The following DNAH8 variants were observed in gnomAD, a reference collection of about 807,000 sequenced individuals.
The protein encoded by DNAH8 is dynein axonemal heavy chain 8.
In DNAH8, 382 loss-of-function variants were observed where a neutral mutation model predicts 562.1. The observed-to-expected ratio is 0.68, with a 90% CI of 0.63 to 0.74. The LOEUF is 0.74. DNAH8 is among the 30% of genes least tolerant of loss of function. The pLI, the probability that DNAH8 is intolerant of heterozygous loss-of-function variation, is 0.00. For missense variants in DNAH8, 5,203 were observed against 5,620.4 expected, an observed-to-expected ratio of 0.93 and a Z score of 2.37; for synonymous variants, 1,881 against 1,919.4, an observed-to-expected ratio of 0.98 and a Z score of 0.52.
chr6:38,777,731 C>T (rs1481718836), intron 13 of DNAH8, among the ~76,000 whole-genome samples: 14 of 152,176 alleles, frequency 9.2e-5, no homozygotes, highest in Admixed American at 9.2e-4. Flanking sequence ...CACTCTGGGC[C>T]AATGGTGGGA....
intron 21 of DNAH8, 150 bp downstream of exon 21, chr6:38,791,824 T>A: frequency 1.3e-6 from 1 of 746,522 alleles, no homozygotes; most frequent in Non-Finnish European, 2.1e-6. Context: ...CCAAGGACTT[T>A]CATGCCTTCA....
chr6:39,009,710 G>A (rs1005129215), intron 89 of DNAH8, among the ~76,000 whole-genome samples: 2 of 152,178 alleles, frequency 1.3e-5, no homozygotes, highest in Non-Finnish European at 2.9e-5. Flanking sequence ...TCTGACTCTA[G>A]AACCTGCAGT....
chr6:38,890,628 C>G, intron 57 of DNAH8, 24 bp from the exon 58 acceptor site: 1 of 1,498,976 alleles, frequency 6.7e-7, no homozygotes, highest in Non-Finnish European at 9.3e-7. Context: ...TAAGCTTATA[C>G]CTTCAATCTT....
intron 73 of DNAH8, 129 bp downstream of exon 73, chr6:38,924,291 T>C: frequency 1.2e-6 from 1 of 831,296 alleles, no homozygotes; most frequent in East Asian, 2.7e-5. Context: ...GGAGGGCAGA[T>C]CATGAGGTCA....
intron 85 of DNAH8, 49 bp downstream of exon 85, chr6:38,974,578 C>G: frequency 6.6e-7 from 1 of 1,515,576 alleles, no homozygotes; most frequent in Non-Finnish European, 9.0e-7. Context: ...CAGTGGTGTG[C>G]TGAGGCCCCA....
chr6:39,012,382 C>T lies in DNAH8; in HGVS notation c.13524+15C>T, dbSNP rs763735683. The T allele has an allele frequency of 3.1e-6, 5 of 1,608,952 alleles. No individual in the cohort carries two copies. Among genetic ancestry groups the T allele is most frequent in the Non-Finnish European group, 4.3e-6 (5 of 1,176,238 alleles). The stretch of plus-strand genomic sequence containing the variant: ...TTATGAGTGAGGTGAGCTGTTATTA[C>T]ATCAGTAGGCATTTCCTTCTTTGTT... On this transcript the variant is annotated intron_variant, in intron 90 of 92. Coordinates refer to ENST00000327475, the MANE Select transcript of DNAH8 (RefSeq NM_001206927.2).
rs765017671 is a variant in DNAH8, at chr6:38,850,262, T to G, written c.5211T>G (p.Arg1737=). 9 of 1,612,820 alleles carry G rather than the reference T, an allele frequency of 5.6e-6. No individual in the cohort carries two copies. The East Asian group carries it at 1.3e-4, about 24-fold the overall frequency. Residue 1737 remains arginine (R), a synonymous_variant, in exon 38 of 93, where the codon CGT becomes CGG. Coordinates refer to ENST00000327475, the MANE Select transcript of DNAH8 (RefSeq NM_001206927.2). ...IAKQLPQEAK[R]FQNIDKSWIK... is the part of the protein sequence containing the mutation. ...GGATGCATTTTCAGGAAGCAAAACG[T>G]TTTCAGAATATTGACAAGTCTTGGA... is the stretch of plus-strand genomic sequence containing the variant.
At chr6:38,992,476 C>T (rs1279669350) in intron 88 of DNAH8, among the ~76,000 whole-genome samples, 2 of 152,144 alleles carry the variant, frequency 1.3e-5, no homozygotes, top group East Asian at 1.9e-4. Context: ...GAGGAGATTC[C>T]ATAGAAAGAT....
At position 38,725,304 on chromosome 6, in the gene DNAH8, T is replaced by TATAATAATAATAATGATA. The variant is rs1554193005; in HGVS notation, c.525+1847_525+1848insGATAATAATAATAATAAT. Among the ~76,000 whole-genome samples the TATAATAATAATAATGATA allele has an allele frequency of 7.4e-5, 10 of 135,384 alleles. No homozygotes were observed. In the South Asian group the frequency reaches 9.9e-4, roughly 13 times the overall value. 88.8% of individuals were successfully genotyped at this position (135,384 alleles called of 152,430 possible). On this transcript the variant is annotated intron_variant, in intron 3 of 92. Transcript: ENST00000327475. Reference sequence around the variant, plus strand: ...GGCGATAGAGTGAGACTCCAACTCATATAATAATAATAATAATAATAATAA... The same window carrying TATAATAATAATAATGATA: ...GGCGATAGAGTGAGACTCCAACTCATATAATAATAATAATGATAATAATAATAATAATAATAATAATAA...
chr6:39,003,489 A>AT (rs1254769605), intron 88 of DNAH8, among the ~76,000 whole-genome samples: 1 of 152,244 alleles, frequency 6.6e-6, no homozygotes, highest in Non-Finnish European at 1.5e-5. Flanking sequence ...ATAGAGAAAA[A>AT]TAAACAGCAA....
At chr6:38,835,490 G>A (rs1164523234) in intron 32 of DNAH8, among the ~76,000 whole-genome samples, 1 of 152,160 alleles carries the variant, frequency 6.6e-6, no homozygotes, top group Non-Finnish European at 1.5e-5. Flanking sequence ...ATTGTGTAAT[G>A]GAAACAGATG....
At chr6:38,851,816 T>G (rs771743258) in intron 39 of DNAH8, 142 bp downstream of exon 39, 2 of 664,100 alleles carry the variant, frequency 3.0e-6, no homozygotes, top group Non-Finnish European at 5.2e-6. Context: ...TCATATTTTC[T>G]GTGTATTTGG....
chr6:38,865,789 A>T (rs748186968), intron 45 of DNAH8, among the ~76,000 whole-genome samples: 5 of 152,196 alleles, frequency 3.3e-5, no homozygotes, highest in Admixed American at 6.5e-5. Flanking sequence ...CAGGAAGGTT[A>T]AGAGGAGTAT....
chr6:38,824,986 AT>A (rs1251747970), intron 28 of DNAH8, among the ~76,000 whole-genome samples: 3 of 152,142 alleles, frequency 2.0e-5, no homozygotes, highest in African/African-American at 7.2e-5. Flanking sequence ...AAAAGTTCAC[AT>A]TTGTCTCCTC....
Position 38,929,517 on chromosome 6 carries a change from T to A in DNAH8, c.11125T>A (p.Ser3709Thr), listed in dbSNP as rs758912484. 4 of 1,611,262 alleles carry A rather than the reference T, an allele frequency of 2.5e-6. No individual in the cohort carries two copies. Among genetic ancestry groups the A allele is most frequent in the South Asian group, 2.2e-5 (2 of 90,618 alleles). ...ATGAGTTCTTTCTGTTTAGGTGACA[T>A]CTCTGAACCATAAATATTTTCGCAC... The part of the protein sequence containing the change: ...KEKENDLQVT[S>T]LNHKYFRTHL... Residue 3709 changes from serine (S) to threonine (T), a missense_variant, in exon 75 of 93, where the codon TCT becomes ACT. By Grantham distance (58) the Ser-to-Thr change is moderately conservative. Transcript: ENST00000327475.
chr6:39,030,160 A>G lies in DNAH8; in HGVS notation c.13892A>G (p.Asn4631Ser). 6.2e-7 allele frequency: 1 copy of G among 1,614,084 alleles called. No homozygotes were observed. The highest frequency in any genetic ancestry group is 8.5e-7 in the Non-Finnish European group (1 of 1,179,988). The change falls in exon 93 of 93, where the codon AAT becomes AGT. Residue 4631 changes from asparagine (N) to serine (S), a missense_variant. Transcript: ENST00000327475. ...GATGGAGCAGCCTGGGACAGACGGA[A>G]TGGGAAGCTCATGGAATCCACCCCC... ...YMDGAAWDRR[N>S]GKLMESTPKV... is the part of the protein sequence containing the mutation.
chr6:38,720,445 C>G (rs1409603416), intron 1 of DNAH8, among the ~76,000 whole-genome samples: 1 of 152,178 alleles, frequency 6.6e-6, no homozygotes, highest in African/African-American at 2.4e-5. Context: ...CTGGGATAAT[C>G]CTTTTAGGAC....
chr6:38,756,128 C>T, intron 10 of DNAH8, 49 bp downstream of exon 10: 2 of 1,167,588 alleles, frequency 1.7e-6, no homozygotes, highest in Admixed American at 1.7e-5. Flanking sequence ...AAAAAGTTAG[C>T]AAATCTTTCC....
At chr6:38,981,246 T>A (rs997599083) in intron 85 of DNAH8, among the ~76,000 whole-genome samples, 4 of 152,100 alleles carry the variant, frequency 2.6e-5, no homozygotes, top group East Asian at 1.9e-4. Flanking sequence ...AGAGACTGAT[T>A]ATGTGTTGCG....
Sources: gnomAD v4.1 joint callset for allele counts (sites outside exome capture counted in the v4.1 genomes callset) on GRCh38, gnomAD v4.1.1 for gene constraint, MANE v1.5 for transcripts, NCBI Gene and HGNC (gene_info 2026-07-23, HGNC 2026-07-21) for gene names.